Variants in RNF125 observed in about 807,000 individuals in gnomAD.
The protein encoded by RNF125 is ring finger protein 125.
In RNF125, 21 loss-of-function variants were observed where a neutral mutation model predicts 26.0. The ratio of observed to expected loss-of-function variants is 0.81; its 90% CI spans 0.57 to 1.16. RNF125 has a LOEUF of 1.16. RNF125 is among the 50% of genes most tolerant of loss of function. The probability of loss-of-function intolerance (pLI) is 0.00; values close to 1 mark genes in which losing one functional copy is unlikely to be tolerated. For missense variants in RNF125, 270 were observed against 299.4 expected (o/e 0.90, Z 0.72); for synonymous variants, 95 against 109.2 (o/e 0.87, Z 0.81).
At chr18:32,051,547 G>A (rs1396565675) in intron 4 of RNF125, among the ~76,000 whole-genome samples, 3 of 149,974 alleles carry the variant, frequency 2.0e-5, no homozygotes, top group Non-Finnish European at 3.0e-5. Flanking sequence ...CCCAGGAAGC[G>A]GAGGTTGCAG....
intron 4 of RNF125, among the ~76,000 whole-genome samples, chr18:32,046,596 CAA>C (rs34644068): frequency 5.5e-3 from 528 of 95,914 alleles, no homozygotes; most frequent in Non-Finnish European, 6.5e-3. Flanking sequence ...GACTCTGTCT[CAA>C]AAAAAAAAAA....
chr18:32,080,325 G>A, the RNF125 span, among the ~76,000 whole-genome samples: 1 of 152,134 alleles, frequency 6.6e-6, no homozygotes, highest in Non-Finnish European at 1.5e-5. Context: ...CACCACGTCC[G>A]GCCTATCCAC....
At chr18:32,051,465 A>G (rs1000780232) in intron 4 of RNF125, among the ~76,000 whole-genome samples, 6 of 151,796 alleles carry the variant, frequency 4.0e-5, no homozygotes, top group South Asian at 2.1e-4. Flanking sequence ...AAAAATGCAA[A>G]AATTAGCTGG....
At chr18:32,027,227 CTT>C (rs770091087) in intron 1 of RNF125, among the ~76,000 whole-genome samples, 44 of 131,744 alleles carry the variant, frequency 3.3e-4, no homozygotes, top group Non-Finnish European at 3.0e-4. Context: ...AGGATGGAGT[CTT>C]TTTTTTTTTT....
intron 1 of RNF125, among the ~76,000 whole-genome samples, chr18:32,033,375 A>G (rs1206907259): frequency 6.6e-6 from 1 of 152,008 alleles, no homozygotes; most frequent in Non-Finnish European, 1.5e-5. Context: ...TAAAAACACA[A>G]ACATTTGCCG....
chr18:32,089,512 A>T, the RNF125 span, among the ~76,000 whole-genome samples: 1 of 152,228 alleles, frequency 6.6e-6, no homozygotes, highest in Non-Finnish European at 1.5e-5. Flanking sequence ...AGGACATTTT[A>T]TTTACGCAGC....
At chr18:32,055,871 C>T (rs112648926) in intron 4 of RNF125, among the ~76,000 whole-genome samples, 21 of 146,476 alleles carry the variant, frequency 1.4e-4, no homozygotes, top group South Asian at 4.4e-4. Flanking sequence ...CCCAGCTTCT[C>T]GGGAGGCTGA....
chr18:32,062,235 T>C (rs2039441828), intron 4 of RNF125, among the ~76,000 whole-genome samples: 1 of 152,238 alleles, frequency 6.6e-6, no homozygotes, highest in Admixed American at 6.5e-5. Flanking sequence ...TACTGATCTC[T>C]ATATTCTAAG....
intron 4 of RNF125, among the ~76,000 whole-genome samples, chr18:32,050,354 C>G (rs754449327): frequency 3.9e-5 from 6 of 152,180 alleles, no homozygotes; most frequent in Non-Finnish European, 5.9e-5. Flanking sequence ...GGGTCTCGCT[C>G]TGTCACCCAG....
the RNF125 span, among the ~76,000 whole-genome samples, chr18:32,082,321 C>T: frequency 3.9e-5 from 6 of 151,940 alleles, no homozygotes; most frequent in Non-Finnish European, 7.3e-5. Flanking sequence ...TATATACACA[C>T]ACAAACACAC....
intron 1 of RNF125, among the ~76,000 whole-genome samples, chr18:32,033,954 C>T (rs2039125623): frequency 1.3e-5 from 2 of 150,902 alleles, no homozygotes; most frequent in South Asian, 4.2e-4. Flanking sequence ...GTTCTGTGTG[C>T]TAACAACATA....
At chr18:32,030,349 G>A (rs754302519) in intron 1 of RNF125, among the ~76,000 whole-genome samples, 10 of 152,154 alleles carry the variant, frequency 6.6e-5, no homozygotes, top group Non-Finnish European at 1.3e-4. Context: ...GGCAGTGAAT[G>A]TACCTAATTT....
intron 4 of RNF125, among the ~76,000 whole-genome samples, chr18:32,061,464 A>C (rs528801471): frequency 2.3e-4 from 35 of 152,326 alleles, no homozygotes; most frequent in African/African-American, 8.4e-4. Flanking sequence ...TGCTTGAATA[A>C]ATATGGAGCA....
At chr18:32,038,630 T>C (rs1334348775) in intron 2 of RNF125, among the ~76,000 whole-genome samples, 2 of 152,330 alleles carry the variant, frequency 1.3e-5, no homozygotes, top group African/African-American at 4.8e-5. Context: ...AGTTTTCAAC[T>C]TGGGTACTAT....
At chr18:32,026,143 C>T (rs1364700037) in intron 1 of RNF125, among the ~76,000 whole-genome samples, 2 of 149,488 alleles carry the variant, frequency 1.3e-5, no homozygotes, top group East Asian at 2.0e-4. Context: ...TGGCTCACTG[C>T]AACCTCCGCC....
chr18:32,078,425 A>G, the RNF125 span, among the ~76,000 whole-genome samples: 1 of 152,150 alleles, frequency 6.6e-6, no homozygotes, highest in Non-Finnish European at 1.5e-5. Flanking sequence ...AGATAGGTGA[A>G]TATCCTTCCT....
chr18:32,047,537 G>C (rs2039284035), intron 4 of RNF125, among the ~76,000 whole-genome samples: 1 of 152,170 alleles, frequency 6.6e-6, no homozygotes, highest in Non-Finnish European at 1.5e-5. Flanking sequence ...TGTCAGCAAT[G>C]TATGAGTAAA....
At chr18:32,021,256 A>G (rs2038983982) in intron 1 of RNF125, among the ~76,000 whole-genome samples, 1 of 152,088 alleles carries the variant, frequency 6.6e-6, no homozygotes, top group Non-Finnish European at 1.5e-5. Context: ...ATTTTTTTGT[A>G]TATTTAGTAG....
At chr18:32,055,945 C>G (rs1416135601) in intron 4 of RNF125, among the ~76,000 whole-genome samples, 3 of 129,288 alleles carry the variant, frequency 2.3e-5, no homozygotes, top group Non-Finnish European at 4.7e-5. Context: ...TGCCATTGCA[C>G]TCCAGCCTGG....
Sources: gnomAD v4.1 joint callset for allele counts (sites outside exome capture counted in the v4.1 genomes callset) on GRCh38, gnomAD v4.1.1 for gene constraint, MANE v1.5 for transcripts, NCBI Gene and HGNC (gene_info 2026-07-23, HGNC 2026-07-21) for gene names.